Variants in SECISBP2 observed in about 807,000 individuals in gnomAD.
The protein encoded by SECISBP2 is SECIS binding protein 2.
In SECISBP2, 96 loss-of-function variants were observed where a neutral mutation model predicts 98.2. That is an observed-to-expected ratio of 0.98 (90% confidence interval 0.83 to 1.16). The LOEUF (loss-of-function observed/expected upper bound fraction) is 1.16. Ranked by LOEUF, SECISBP2 falls within the 50% of genes most tolerant of loss-of-function variation. The pLI is 0.00. For missense variants in SECISBP2, 1,046 were observed against 1,022.9 expected (o/e 1.02, Z -0.31); for synonymous variants, 407 against 370.2 (o/e 1.10, Z -1.14).
At chr9:89,363,616 C>T, downstream of SECISBP2, 1 of 1,593,608 alleles carries the variant, frequency 6.3e-7, no homozygotes. Flanking sequence ...CAATGGAAAG[C>T]CAATAAAACC....
intron 12 of SECISBP2, 152 bp from the exon 13 acceptor site, chr9:89,349,624 T>A (rs1171889437): frequency 2.1e-5 from 18 of 838,090 alleles, no homozygotes; most frequent in Admixed American, 6.2e-5. Context: ...GTCTGTTTTT[T>A]CTGCCTTCTG....
downstream of SECISBP2, chr9:89,363,701 A>G: frequency 1.3e-6 from 2 of 1,598,742 alleles, no homozygotes; most frequent in Non-Finnish European, 1.7e-6. Context: ...GTGAAAAATT[A>G]CCTCATAAAA....
Position 89,346,896 on chromosome 9 carries a change from G to T in SECISBP2, c.1450G>T (p.Val484Phe). 1 of 1,614,124 alleles carries T rather than the reference G, an allele frequency of 6.2e-7. No homozygotes were observed. Among genetic ancestry groups the T allele is most frequent in the Middle Eastern group, 1.7e-4 (1 of 6,058 alleles). ...PVVVSVGAVP[V>F]LSKECASGER... is the part of the protein sequence containing the mutation. Reference sequence around the variant, plus strand: ...CTGCGTTTCAGTTGGAGCAGTGCCAGTCCTTTCCAAAGAATGTGCATCAGG... The same window carrying T: ...CTGCGTTTCAGTTGGAGCAGTGCCATTCCTTTCCAAAGAATGTGCATCAGG... Residue 484 changes from valine (V) to phenylalanine (F), a missense_variant, in exon 11 of 17, where the codon GTC (valine) becomes TTC (phenylalanine). Transcript: ENST00000375807.
chr9:89,343,982 C>T (rs985107834), intron 10 of SECISBP2, among the ~76,000 whole-genome samples: 14 of 152,260 alleles, frequency 9.2e-5, no homozygotes, highest in East Asian at 5.8e-4. Flanking sequence ...TCTTTTTCTC[C>T]GCAACCTCGC....
At chr9:89,360,076 G>C (rs1461300262), downstream of SECISBP2, among the ~76,000 whole-genome samples, 1 of 152,182 alleles carries the variant, frequency 6.6e-6, no homozygotes, top group Non-Finnish European at 1.5e-5. Flanking sequence ...ACCAGAGGTT[G>C]GTGTATGAAG....
chr9:89,332,014 T>C (rs758688421), intron 5 of SECISBP2, among the ~76,000 whole-genome samples: 5 of 152,226 alleles, frequency 3.3e-5, no homozygotes, highest in Admixed American at 1.3e-4. Flanking sequence ...ACTTTTCACT[T>C]TATGTACTTA....
intron 14 of SECISBP2, 54 bp downstream of exon 14, chr9:89,350,906 G>A: frequency 1.4e-6 from 2 of 1,445,970 alleles, no homozygotes; most frequent in Non-Finnish European, 9.7e-7. Flanking sequence ...AGTGCCTAGT[G>A]TGCCCTCGTG....
At chr9:89,337,360 A>G (rs940066800) in intron 7 of SECISBP2, among the ~76,000 whole-genome samples, 1 of 152,152 alleles carries the variant, frequency 6.6e-6, no homozygotes, top group African/African-American at 2.4e-5. Flanking sequence ...CTGTATTGTG[A>G]AATTTTATTA....
At chr9:89,328,493 T>C (rs1001745043) in intron 4 of SECISBP2, among the ~76,000 whole-genome samples, 167 bp from the exon 5 acceptor site, 11 of 152,236 alleles carry the variant, frequency 7.2e-5, no homozygotes, top group Non-Finnish European at 8.8e-5. Flanking sequence ...ATTTAAACTT[T>C]ATACTTTTAC....
chr9:89,363,894 C>A, downstream of SECISBP2: 1 of 1,614,118 alleles, frequency 6.2e-7, no homozygotes. Flanking sequence ...TGCACAGGGA[C>A]ACAGGTCTCC....
At chr9:89,344,470 T>C (rs1327531981) in intron 10 of SECISBP2, among the ~76,000 whole-genome samples, 1 of 152,234 alleles carries the variant, frequency 6.6e-6, no homozygotes, top group Non-Finnish European at 1.5e-5. Flanking sequence ...TAATCCATCT[T>C]GAGTTGATTT....
At chr9:89,325,208 C>G (rs1826477699) in intron 2 of SECISBP2, 7 of 561,536 alleles carry the variant, frequency 1.2e-5, no homozygotes, top group Non-Finnish European at 2.2e-5. Context: ...TTCTTACGGA[C>G]TTCCAGCTCA....
At chr9:89,331,292 G>C (rs1827712965) in intron 5 of SECISBP2, among the ~76,000 whole-genome samples, 1 of 152,048 alleles carries the variant, frequency 6.6e-6, no homozygotes, top group African/African-American at 2.4e-5. Flanking sequence ...CATACTGATA[G>C]GTATAATTTA....
At position 89,334,656 on chromosome 9, in the gene SECISBP2, A is replaced by T. The variant is rs1365381959; in HGVS notation, c.1015A>T (p.Ile339Leu). ...ATCAGCAGATCCTAAAAATGTTAGT[A>T]TACCATCTTCTGAAGCTTTATCTTC... Reference protein sequence around the residue: ...ASSADPKNVSIPSSEALSSDP... With the variant: ...ASSADPKNVSLPSSEALSSDP... The change falls in exon 7 of 17, where the codon ATA becomes TTA. Residue 339 changes from isoleucine to leucine, a missense_variant. By Grantham distance (5) the Ile-to-Leu change is conservative. Transcript: ENST00000375807. 1.2e-6 allele frequency: 2 copies of T among 1,614,144 alleles called. No individual in the cohort carries two copies. Among genetic ancestry groups the T allele is most frequent in the Middle Eastern group, 1.7e-4 (1 of 6,060 alleles).
intron 4 of SECISBP2, among the ~76,000 whole-genome samples, chr9:89,328,399 C>T (rs1052652530): frequency 2.6e-5 from 4 of 152,088 alleles, no homozygotes; most frequent in African/African-American, 7.2e-5. Context: ...ATATGTGGCG[C>T]GTGACTATAC....
At position 89,357,451 on chromosome 9, in the gene SECISBP2, C is replaced by T; in HGVS notation, c.2154C>T (p.Ala718=). 1 of 1,614,160 alleles carries T rather than the reference C, an allele frequency of 6.2e-7. No individual in the cohort carries two copies. Among genetic ancestry groups the T allele is most frequent in the Non-Finnish European group, 8.5e-7 (1 of 1,180,038 alleles). The change falls in exon 15 of 17, where the codon GCC becomes GCT. Residue 718 remains alanine, a synonymous_variant. Transcript: ENST00000375807. ...DDTLHTIIDY[A]CEQNIPFVFA... ...CTTTGCACACAATTATTGATTATGCCTGTGAGCAGAACATTCCCTTTGTGT... is the reference window on the plus strand; with the variant it reads ...CTTTGCACACAATTATTGATTATGCTTGTGAGCAGAACATTCCCTTTGTGT...
chr9:89,350,070 T>G (rs1396683845), intron 13 of SECISBP2, 141 bp downstream of exon 13: 8 of 952,110 alleles, frequency 8.4e-6, no homozygotes, highest in African/African-American at 1.6e-5. Context: ...GCTGGGTACC[T>G]GGTTACACGC....
chr9:89,319,136 G>A lies in SECISBP2; in HGVS notation c.37-516G>A, dbSNP rs559766813. Reference sequence around the variant, plus strand: ...TAGTGAATTGAAATTTCAAAGGCTCGTGGTGATAATATTTTCTAGCAAAGC... The same window carrying A: ...TAGTGAATTGAAATTTCAAAGGCTCATGGTGATAATATTTTCTAGCAAAGC... On this transcript the variant is annotated intron_variant, in intron 1 of 16. Coordinates refer to ENST00000375807, the MANE Select transcript of SECISBP2 (RefSeq NM_024077.5). The A allele has an allele frequency of 6.1e-6, 5 of 815,586 alleles. No homozygotes were observed. In the East Asian group the frequency reaches 4.8e-4, roughly 78 times the overall value. The allele number at this position is 815,586 out of a possible 1,614,324, so 50.5% of individuals were successfully genotyped here.
At chr9:89,366,705 A>G in the SECISBP2 span, among the ~76,000 whole-genome samples, 15 of 152,222 alleles carry the variant, frequency 9.9e-5, no homozygotes, top group African/African-American at 1.4e-4. Context: ...TTCCCAGCTG[A>G]TGGGCATCCA....
Sources: gnomAD v4.1 joint callset for allele counts (sites outside exome capture counted in the v4.1 genomes callset) on GRCh38, gnomAD v4.1.1 for gene constraint, MANE v1.5 for transcripts, NCBI Gene and HGNC (gene_info 2026-07-23, HGNC 2026-07-21) for gene names.